The following TLK2 variants were observed in gnomAD, a reference collection of about 807,000 sequenced individuals.
TLK2 encodes serine/threonine-protein kinase tousled-like 2.
A neutral mutation model predicts 117.3 loss-of-function variants in TLK2; 6 were observed. That is an observed-to-expected ratio of 0.05 (90% confidence interval 0.03 to 0.10). TLK2 has a LOEUF of 0.10. Ranked by LOEUF, TLK2 falls within the 10% of genes least tolerant of loss-of-function variation. The pLI is 1.00. For missense variants in TLK2, 299 were observed against 901.2 expected (o/e 0.33, Z 8.56); for synonymous variants, 257 against 316.7 (o/e 0.81, Z 2.00).
At chr17:62,502,028 A>ACTTTTTTTTTTTTTTTT (rs746988825) in intron 2 of TLK2, among the ~76,000 whole-genome samples, 1 of 134,246 alleles carries the variant, frequency 7.4e-6, no homozygotes, top group African/African-American at 2.8e-5. Flanking sequence ...AAAAAATACC[A>ACTTTTTTTTTTTTTTTT]ATTTTTTTTT....
At chr17:62,591,506 G>A (rs1194083330) in intron 16 of TLK2, among the ~76,000 whole-genome samples, 1 of 152,158 alleles carries the variant, frequency 6.6e-6, no homozygotes, top group Non-Finnish European at 1.5e-5. Context: ...GAGCCACAGA[G>A]CCACAGCAAG....
At chr17:62,568,482 T>C (rs2079986648) in intron 11 of TLK2, among the ~76,000 whole-genome samples, 1 of 151,572 alleles carries the variant, frequency 6.6e-6, no homozygotes, top group Non-Finnish European at 1.5e-5. Context: ...TACAAAATTG[T>C]GATCATTTAA....
At chr17:62,605,275 C>T (rs188653464) in intron 19 of TLK2, among the ~76,000 whole-genome samples, 1 of 152,186 alleles carries the variant, frequency 6.6e-6, no homozygotes, top group Non-Finnish European at 1.5e-5. Flanking sequence ...TGCAGTGAGC[C>T]GAGATCGTGA....
chr17:62,476,376 G>T (rs2071045109), upstream of TLK2, among the ~76,000 whole-genome samples: 1 of 151,150 alleles, frequency 6.6e-6, no homozygotes, highest in African/African-American at 2.4e-5. Flanking sequence ...GAGGTCAGGA[G>T]TTCGAGACCA....
chr17:62,483,972 C>A (rs1421726744), intron 2 of TLK2, among the ~76,000 whole-genome samples: 2 of 151,958 alleles, frequency 1.3e-5, no homozygotes, highest in Admixed American at 6.6e-5. Flanking sequence ...ACTATAGGCA[C>A]CTGCTACCAT....
chr17:62,605,143 C>T (rs867565281), intron 19 of TLK2, among the ~76,000 whole-genome samples: 3 of 151,722 alleles, frequency 2.0e-5, no homozygotes, highest in East Asian at 2.0e-4. Context: ...CTGGCTAACA[C>T]GGTGAAACCC....
intron 2 of TLK2, among the ~76,000 whole-genome samples, chr17:62,501,013 C>T (rs1388632383): frequency 2.0e-5 from 3 of 151,980 alleles, no homozygotes; most frequent in Admixed American, 1.3e-4. Flanking sequence ...CCGAAGTGGG[C>T]GGATCACGAG....
intron 7 of TLK2, among the ~76,000 whole-genome samples, chr17:62,537,318 G>A (rs1430832768): frequency 2.0e-5 from 3 of 152,184 alleles, no homozygotes; most frequent in African/African-American, 7.2e-5. Flanking sequence ...GATATGGAAT[G>A]TTTTCTTATA....
At chr17:62,527,300 A>C (rs1360156531) in intron 6 of TLK2, among the ~76,000 whole-genome samples, 1 of 152,228 alleles carries the variant, frequency 6.6e-6, no homozygotes, top group Non-Finnish European at 1.5e-5. Flanking sequence ...GGCACTTGAC[A>C]CACCCATGTA....
At chr17:62,596,536 A>G (rs957857600) in intron 16 of TLK2, 49 bp from the exon 17 acceptor site, 13 of 1,404,104 alleles carry the variant, frequency 9.3e-6, no homozygotes, top group African/African-American at 1.4e-5. Context: ...GAAGAGTTCT[A>G]AAAGGCAGGC....
Position 62,600,512 on chromosome 17 carries a change from C to A in TLK2, c.1551-139C>A, listed in dbSNP as rs1303487149. The A allele has an allele frequency of 7.0e-6, 5 of 713,952 alleles. No homozygotes were observed. In the East Asian group the frequency reaches 1.4e-4, roughly 20 times the overall value. The allele number at this position is 713,952 out of a possible 1,614,324, so 44.2% of individuals were successfully genotyped here. A position where few individuals can be genotyped will look rare whatever the true frequency, so the allele number is the denominator to read the frequency against. ...AACCCCTCAGCTAATACTGAATAAA[C>A]AATTGAAGAGTATTTTAAGGAACAA... On this transcript the variant is annotated intron_variant, in intron 17 of 21. Coordinates refer to ENST00000346027, the MANE Select transcript of TLK2 (RefSeq NM_006852.6).
At chr17:62,512,909 G>A (rs1265609376) in intron 2 of TLK2, among the ~76,000 whole-genome samples, 3 of 134,156 alleles carry the variant, frequency 2.2e-5, no homozygotes, top group South Asian at 2.4e-4. Flanking sequence ...ACGAAGTTTC[G>A]CTCTCGTTGC....
intron 2 of TLK2, among the ~76,000 whole-genome samples, chr17:62,487,650 T>C (rs1454779248): frequency 1.0e-5 from 1 of 96,282 alleles, no homozygotes; most frequent in East Asian, 3.4e-4. Context: ...TGAGACGGAG[T>C]TTCACTCTTG....
chr17:62,481,865 T>C (rs972967429), intron 2 of TLK2, among the ~76,000 whole-genome samples: 15 of 152,360 alleles, frequency 9.8e-5, no homozygotes, highest in African/African-American at 3.4e-4. Flanking sequence ...GTATGCAAAG[T>C]ATATTTACGA....
intron 16 of TLK2, among the ~76,000 whole-genome samples, chr17:62,588,118 G>A (rs1598781533): frequency 6.8e-6 from 1 of 148,032 alleles, no homozygotes; most frequent in African/African-American, 2.5e-5. Context: ...TAAAATATAC[G>A]TATACATCTG....
rs538909544 is a variant in TLK2, at chr17:62,522,618, G to A, written c.223+345G>A. ...ATCAGTGATTTGTTAATGACAGCCA[G>A]CTAAAAGTGCTTCATTTACATTACT... On this transcript the variant is annotated intron_variant, in intron 4 of 21. Transcript: ENST00000346027. Among the ~76,000 whole-genome samples, 10 of 152,322 alleles carry A rather than the reference G, an allele frequency of 6.6e-5. No individual in the cohort carries two copies. In the South Asian group the frequency reaches 1.9e-3, roughly 28 times the overall value.
chr17:62,494,226 G>A (rs1018054258), intron 2 of TLK2, among the ~76,000 whole-genome samples: 2 of 152,130 alleles, frequency 1.3e-5, no homozygotes, highest in African/African-American at 2.4e-5. Flanking sequence ...GGGACTACAG[G>A]CGTGTGCCGT....
intron 12 of TLK2, among the ~76,000 whole-genome samples, chr17:62,576,452 A>T (rs1482355487): frequency 6.6e-6 from 1 of 152,250 alleles, no homozygotes; most frequent in East Asian, 1.9e-4. Context: ...CAAAAATAAT[A>T]TAAAAATATG....
chr17:62,540,423 T>TTTTTTTTTTA, intron 7 of TLK2, among the ~76,000 whole-genome samples: 3 of 129,982 alleles, frequency 2.3e-5, no homozygotes, highest in Non-Finnish European at 4.8e-5. Context: ...TTTTTTTTTT[T>TTTTTTTTTTA]GAGACAGAGT....
Sources: allele counts gnomAD v4.1 joint callset (sites outside exome capture counted in the v4.1 genomes callset), GRCh38; gene constraint gnomAD v4.1.1; transcripts MANE v1.5; gene names NCBI Gene and HGNC (gene_info 2026-07-23, HGNC 2026-07-21).